The following CCDC134 variants were observed in gnomAD, a reference collection of about 807,000 sequenced individuals.
CCDC134 encodes coiled-coil domain containing 134.
A neutral mutation model predicts 25.6 loss-of-function variants in CCDC134; 27 were observed. The ratio of observed to expected loss-of-function variants is 1.05; its 90% CI spans 0.78 to 1.45. CCDC134 has a LOEUF of 1.45. Ranked by LOEUF, CCDC134 falls within the 40% of genes most tolerant of loss-of-function variation. The pLI is 0.00. For missense variants in CCDC134, 261 were observed against 286.7 expected (o/e 0.91, Z 0.65); for synonymous variants, 110 against 115.0 (o/e 0.96, Z 0.28).
chr22:41,809,837 G>GC, intron 2 of CCDC134, 42 bp from the exon 3 acceptor site: 1 of 1,612,550 alleles, frequency 6.2e-7, no homozygotes, highest in Non-Finnish European at 8.5e-7. Context: ...GATTGTCCAG[G>GC]CAGGGCTATT....
rs1312946747 is a variant in CCDC134 at position 41,830,990 on chromosome 22, A to G, written c.*5167A>G. On this transcript the variant is annotated 3_prime_UTR_variant, in exon 7 of 7. Transcript: ENST00000255784. Reference sequence around the variant, plus strand: ...AACTTCTGCCTCCCGGGTTCAAGCAAGTCTCCTGCCTCAGCTTCCTGAGTA... The same window carrying G: ...AACTTCTGCCTCCCGGGTTCAAGCAGGTCTCCTGCCTCAGCTTCCTGAGTA... Among the ~76,000 whole-genome samples the G allele has an allele frequency of 6.7e-6, 1 of 150,006 alleles. No homozygotes were observed. Among genetic ancestry groups the G allele is most frequent in the African/African-American group, 2.5e-5 (1 of 40,328 alleles).
In CCDC134 at chr22:41,810,409, T is replaced by C. The variant is rs1243556438; in HGVS notation, c.310+118T>C. The C allele has an allele frequency of 3.4e-6, 3 of 877,564 alleles. No homozygotes were observed. The East Asian group carries it at 8.0e-5, about 23-fold the overall frequency. The allele number at this position is 877,564 out of a possible 1,614,324, so 54.4% of individuals were successfully genotyped here. On this transcript the variant is annotated intron_variant, in intron 4 of 6. Coordinates refer to ENST00000255784, the MANE Select transcript of CCDC134 (RefSeq NM_024821.5). ...CCGGAAGTGCCCTCTTGTGGCACCTTCTAAGTGGTCCCCTTGGGCAGATGG... is the reference window on the plus strand; with the variant it reads ...CCGGAAGTGCCCTCTTGTGGCACCTCCTAAGTGGTCCCCTTGGGCAGATGG...
intron 6 of CCDC134, among the ~76,000 whole-genome samples, chr22:41,815,989 G>A (rs2076621027): frequency 6.6e-6 from 1 of 152,170 alleles, no homozygotes; most frequent in African/African-American, 2.4e-5. Context: ...GACTCAACCA[G>A]CTGTGAAGGT....
Position 41,829,460 on chromosome 22 carries a change from C to A in CCDC134, c.*3637C>A, listed in dbSNP as rs1353668241. On this transcript the variant is annotated 3_prime_UTR_variant, in exon 7 of 7. Coordinates refer to ENST00000255784, the MANE Select transcript of CCDC134 (RefSeq NM_024821.5). ...GGTTACTACCTGATAATTCTCATCG[C>A]TTATGTTTCCAAAACCAAACTGGTT... Among the ~76,000 whole-genome samples, 1 of 152,202 alleles carries A rather than the reference C, an allele frequency of 6.6e-6. No individual in the cohort carries two copies. The highest frequency in any genetic ancestry group is 1.5e-5 in the Non-Finnish European group (1 of 68,038).
intron 4 of CCDC134, 49 bp downstream of exon 4, chr22:41,810,340 C>T: frequency 6.6e-7 from 1 of 1,505,006 alleles, no homozygotes. Flanking sequence ...CCGATCTTCT[C>T]TAGCTGCTCC....
chr22:41,812,788 T>C (rs2076603421), intron 4 of CCDC134, among the ~76,000 whole-genome samples: 1 of 152,182 alleles, frequency 6.6e-6, no homozygotes, highest in African/African-American at 2.4e-5. Context: ...ACAGACACTC[T>C]AGTTGTGTTA....
Position 41,813,457 on chromosome 22 carries a change from G to A in CCDC134, c.492+12G>A, listed in dbSNP as rs1347926472. 6.2e-7 allele frequency: 1 copy of A among 1,614,038 alleles called. No individual in the cohort carries two copies. Among genetic ancestry groups the A allele is most frequent in the Non-Finnish European group, 8.5e-7 (1 of 1,179,920 alleles). On this transcript the variant is annotated intron_variant, in intron 5 of 6. Coordinates refer to ENST00000255784, the MANE Select transcript of CCDC134 (RefSeq NM_024821.5). ...CCATCCTCAGCCTGGTAAGGACTGG[G>A]GTGGAGGTGGCCCGGGAGCCCTCTG...
rs67246997 is a variant in CCDC134, at chr22:41,830,884, CTTTTTTTTTTT to C, written c.*5073_*5083del. The stretch of plus-strand genomic sequence containing the variant: ...AGATCCTTATTTTTTCTTTTCTTTT[CTTTTTTTTTTT>C]TTTTTTTTTTTGAGACGCAGTCTCC... On this transcript the variant is annotated 3_prime_UTR_variant, in exon 7 of 7. Transcript: ENST00000255784. Among the ~76,000 whole-genome samples, 368 of 117,278 alleles carry C rather than the reference CTTTTTTTTTTT, an allele frequency of 3.1e-3. 2 individuals are homozygous for C. Among genetic ancestry groups the C allele is most frequent in the African/African-American group, 0.014 (348 of 25,504 alleles). The allele number at this position is 117,278 out of a possible 152,430, so 76.9% of individuals were successfully genotyped here.
intron 1 of CCDC134, among the ~76,000 whole-genome samples, chr22:41,802,636 C>T (rs959209932): frequency 6.6e-6 from 1 of 152,102 alleles, no homozygotes; most frequent in South Asian, 2.1e-4. Context: ...AAATAACATC[C>T]GGGCGCGGTG....
chr22:41,812,422 CAAAA>C (rs36098937), intron 4 of CCDC134, among the ~76,000 whole-genome samples: 1,349 of 77,208 alleles, frequency 0.017, 19 homozygotes, highest in African/African-American at 0.061. Context: ...ACTCCGTCTC[CAAAA>C]AAAAAAAAAA....
chr22:41,806,292 C>T (rs2076567486), intron 1 of CCDC134, among the ~76,000 whole-genome samples: 1 of 147,602 alleles, frequency 6.8e-6, no homozygotes, highest in African/African-American at 2.5e-5. Context: ...GATCTCGGCT[C>T]ACTGCAACCT....
At chr22:41,824,587 C>T (rs1427971639) in intron 6 of CCDC134, among the ~76,000 whole-genome samples, 1 of 152,134 alleles carries the variant, frequency 6.6e-6, no homozygotes, top group African/African-American at 2.4e-5. Context: ...TAGCGCAACC[C>T]TGGCTCTACT....
At chr22:41,812,345 C>T (rs1010055734) in intron 4 of CCDC134, among the ~76,000 whole-genome samples, 1 of 151,452 alleles carries the variant, frequency 6.6e-6, no homozygotes, top group Non-Finnish European at 1.5e-5. Context: ...TCACTTGAAC[C>T]CGCGAGGCGG....
Position 41,819,991 on chromosome 22 carries a change from AT to A in CCDC134, c.565-5706del, listed in dbSNP as rs1569358009. Among the ~76,000 whole-genome samples the A allele has an allele frequency of 2.1e-3, 284 of 132,570 alleles. 6 individuals carry two copies. Among genetic ancestry groups the A allele is most frequent in the African/African-American group, 8.0e-3 (276 of 34,684 alleles). The allele number at this position is 132,570 out of a possible 152,430, so 87.0% of individuals were successfully genotyped here. On this transcript the variant is annotated intron_variant, in intron 6 of 6. Coordinates refer to ENST00000255784, the MANE Select transcript of CCDC134 (RefSeq NM_024821.5). Reference sequence around the variant, plus strand: ...TATATATATATATATATATATATATATATATATAATTTTTTTTTTTTGAGAC... The same window carrying A: ...TATATATATATATATATATATATATAATATATAATTTTTTTTTTTTGAGAC...
At chr22:41,809,758 G>A in intron 2 of CCDC134, 121 bp from the exon 3 acceptor site, 2 of 1,311,872 alleles carry the variant, frequency 1.5e-6, no homozygotes, top group South Asian at 2.8e-5. Context: ...GAGGCTTCTA[G>A]CCCTGGGTGT....
rs2148323859 is a variant in CCDC134 at position 41,827,512 on chromosome 22, G to A, written c.*1689G>A. On this transcript the variant is annotated 3_prime_UTR_variant, in exon 7 of 7. Transcript: ENST00000255784. ...ATGAAGGGTTTTACTGAGAATGAAAGTATACTCCACAGCATGGGAGAGGGC... is the reference window on the plus strand; with the variant it reads ...ATGAAGGGTTTTACTGAGAATGAAAATATACTCCACAGCATGGGAGAGGGC... Among the ~76,000 whole-genome samples, 1 of 152,204 alleles carries A rather than the reference G, an allele frequency of 6.6e-6. No homozygotes were observed. Among genetic ancestry groups the A allele is most frequent in the South Asian group, 2.1e-4 (1 of 4,830 alleles).
chr22:41,818,814 C>T (rs1268783370), intron 6 of CCDC134, among the ~76,000 whole-genome samples: 4 of 152,226 alleles, frequency 2.6e-5, no homozygotes, highest in Non-Finnish European at 5.9e-5. Flanking sequence ...AGCAAGAAAA[C>T]ATGTGTGGAC....
chr22:41,819,998 T>TATAA (rs1556020965), intron 6 of CCDC134, among the ~76,000 whole-genome samples: 2 of 130,102 alleles, frequency 1.5e-5, no homozygotes, highest in Non-Finnish European at 3.2e-5. Context: ...TATATATATA[T>TATAA]AATTTTTTTT....
intron 6 of CCDC134, among the ~76,000 whole-genome samples, chr22:41,814,849 A>T (rs1455650461): frequency 6.6e-6 from 1 of 152,174 alleles, no homozygotes; most frequent in African/African-American, 2.4e-5. Context: ...GTGTTGGTTC[A>T]TCTTGTTCCC....
Sources: gnomAD v4.1 joint callset for allele counts (sites outside exome capture counted in the v4.1 genomes callset) on GRCh38, gnomAD v4.1.1 for gene constraint, MANE v1.5 for transcripts, NCBI Gene and HGNC (gene_info 2026-07-23, HGNC 2026-07-21) for gene names.